AASS: variants seen among roughly 807,000 people sequenced by gnomAD.
AASS encodes the protein alpha-aminoadipic semialdehyde synthase, mitochondrial.
AASS carries 86 observed loss-of-function variants against 105.4 expected under a neutral mutation model. The observed-to-expected ratio is 0.82, with a 90% CI of 0.69 to 0.98. The LOEUF is 0.98. AASS is among the 50% of genes least tolerant of loss of function. AASS has a pLI of 0.00. For synonymous variants in AASS, 381 were observed against 394.8 expected (o/e 0.96, Z 0.41); for missense variants, 1,048 against 1,143.2 (o/e 0.92, Z 1.20).
chr7:122,086,863 T>C (rs1793652941), intron 18 of AASS, among the ~76,000 whole-genome samples: 1 of 152,186 alleles, frequency 6.6e-6, no homozygotes, highest in Admixed American at 6.5e-5. Context: ...AATCTTTTGA[T>C]ATCTCAGTAC....
chr7:122,129,617 G>C (rs1239998234), intron 2 of AASS, 80 bp from the exon 3 acceptor site: 3 of 1,296,370 alleles, frequency 2.3e-6, no homozygotes, highest in Middle Eastern at 4.8e-4. Flanking sequence ...TGTAGCAAAG[G>C]CACAACAAAT....
intron 19 of AASS, among the ~76,000 whole-genome samples, chr7:122,082,019 T>C (rs543437462): frequency 6.6e-6 from 1 of 152,326 alleles, no homozygotes; most frequent in South Asian, 2.1e-4. Flanking sequence ...AACAGTCAGT[T>C]GAGCTCTTTC....
intron 8 of AASS, among the ~76,000 whole-genome samples, chr7:122,116,234 T>C (rs2150536587): frequency 6.6e-6 from 1 of 152,314 alleles, no homozygotes; most frequent in Middle Eastern, 3.4e-3. Context: ...GGCATGCATT[T>C]CAAGATTGCT....
In AASS at chr7:122,098,467, T is replaced by C. The variant is rs1326849973; in HGVS notation, c.1638A>G (p.Lys546=). ...ATACTGACCTGATGACAAGATCCTGTTTTGCCACCAAGAAGCCCAGCTTCT... is the reference window on the plus strand; with the variant it reads ...ATACTGACCTGATGACAAGATCCTGCTTTGCCACCAAGAAGCCCAGCTTCT... ...QEEKLGFLVA[K]QDLVISLLPY... Residue 546 remains lysine (K), a synonymous_variant, in exon 15 of 24, where the codon AAA becomes AAG. Coordinates refer to ENST00000417368, the MANE Select transcript of AASS (RefSeq NM_005763.4). 4 of 1,612,118 alleles carry C rather than the reference T, an allele frequency of 2.5e-6. No homozygotes were observed. The African/African-American group carries it at 5.3e-5, about 22-fold the overall frequency.
At position 122,098,790 on chromosome 7, in the gene AASS, C is replaced by T; in HGVS notation, c.1483G>A (p.Val495Ile). Residue 495 changes from valine (V) to isoleucine (I), a missense_variant, in exon 14 of 24, where the codon GTA becomes ATA. By Grantham distance (29) the Val-to-Ile change is conservative. Transcript: ENST00000417368. ...CCATCTCTTGATAAATATTCTAATACAGGCTCAGATATGTAGCCAGATCCA... is the reference window on the plus strand; with the variant it reads ...CCATCTCTTGATAAATATTCTAATATAGGCTCAGATATGTAGCCAGATCCA... ...VLGSGYISEP[V>I]LEYLSRDGNI... 6.2e-7 allele frequency: 1 copy of T among 1,600,420 alleles called. No individual in the cohort carries two copies. The highest frequency in any genetic ancestry group is 8.5e-7 in the Non-Finnish European group (1 of 1,174,188).
chr7:122,076,450 G>A lies in AASS; in HGVS notation c.*39C>T. The A allele has an allele frequency of 3.0e-6, 4 of 1,311,834 alleles. No individual in the cohort carries two copies. The highest frequency in any genetic ancestry group is 4.4e-6 in the Non-Finnish European group (4 of 904,742). The allele number at this position is 1,311,834 out of a possible 1,614,324, so 81.3% of individuals were successfully genotyped here. On this transcript the variant is annotated 3_prime_UTR_variant, in exon 24 of 24. Transcript: ENST00000417368. ...ATTTATCACACACATGTTCAGAGGT[G>A]TATTGCCTGGGAAGAAAAAAACAAA...
intron 11 of AASS, among the ~76,000 whole-genome samples, chr7:122,102,453 C>T (rs149661826): frequency 7.4e-4 from 113 of 152,028 alleles, no homozygotes; most frequent in African/African-American, 2.4e-3. Context: ...TATAAGTTAG[C>T]ATTGCTGTTT....
chr7:122,112,240 T>C (rs1240085568), intron 11 of AASS, among the ~76,000 whole-genome samples: 1 of 152,230 alleles, frequency 6.6e-6, no homozygotes, highest in Non-Finnish European at 1.5e-5. Flanking sequence ...AAAATTAAAA[T>C]ATATTTAGTA....
Position 122,116,916 on chromosome 7 carries a change from C to T in AASS, c.729G>A (p.Val243=). 1 of 1,613,970 alleles carries T rather than the reference C, an allele frequency of 6.2e-7. No homozygotes were observed. Among genetic ancestry groups the T allele is most frequent in the East Asian group, 2.2e-5 (1 of 44,864 alleles). ...AAACTTCTTTTAATTCATGGGGCTC[C>T]ACATATTCACAAGGTAGCTCATTAA... ...AIFNELPCEY[V]EPHELKEVSQ... is the part of the protein sequence containing the mutation. Residue 243 remains valine, a synonymous_variant, in exon 7 of 24, where the codon GTG becomes GTA. Coordinates refer to ENST00000417368, the MANE Select transcript of AASS (RefSeq NM_005763.4).
In AASS at chr7:122,118,585, A is replaced by G; in HGVS notation, c.518T>C (p.Leu173Ser). Residue 173 changes from leucine to serine, a missense_variant, in exon 5 of 24, where the codon TTG (leucine) becomes TCG (serine). Transcript: ENST00000417368. ...TACCATAAAAGGTGTGTGATGTCCC[A>G]AAGCAAGGAGCCTTAAACCCATTCC... is the stretch of plus-strand genomic sequence containing the variant. ...LHGMGLRLLA[L>S]GHHTPFMHIG... 1 of 1,614,122 alleles carries G rather than the reference A, an allele frequency of 6.2e-7. No individual in the cohort carries two copies. Among genetic ancestry groups the G allele is most frequent in the Non-Finnish European group, 8.5e-7 (1 of 1,179,992 alleles).
At chr7:122,089,433 C>T (rs908822247) in intron 18 of AASS, among the ~76,000 whole-genome samples, 15 of 152,102 alleles carry the variant, frequency 9.9e-5, no homozygotes, top group African/African-American at 3.4e-4. Flanking sequence ...CTCTTGGTAT[C>T]CTCCAGTGTC....
At position 122,098,767 on chromosome 7, in the gene AASS, A is replaced by G. The variant is rs1460056339; in HGVS notation, c.1506T>C (p.Asp502=). 12 of 1,607,568 alleles carry G rather than the reference A, an allele frequency of 7.5e-6. No homozygotes were observed. Among genetic ancestry groups the G allele is most frequent in the African/African-American group, 1.3e-5 (1 of 74,508 alleles). The part of the protein sequence containing the change: ...SEPVLEYLSR[D]GNIEITVGSD... The stretch of plus-strand genomic sequence containing the variant: ...TACCTACTGTTATTTCTATATTGCC[A>G]TCTCTTGATAAATATTCTAATACAG... Residue 502 remains aspartate, a synonymous_variant, in exon 14 of 24, where the codon GAT becomes GAC. Coordinates refer to ENST00000417368, the MANE Select transcript of AASS (RefSeq NM_005763.4).
chr7:122,120,730 C>T (rs923674527), intron 4 of AASS, among the ~76,000 whole-genome samples: 8 of 151,990 alleles, frequency 5.3e-5, no homozygotes, highest in Non-Finnish European at 1.5e-5. Context: ...ATACCCCACA[C>T]ATTTTGATAA....
At chr7:122,111,682 T>A (rs1794941706) in intron 11 of AASS, among the ~76,000 whole-genome samples, 1 of 152,008 alleles carries the variant, frequency 6.6e-6, no homozygotes, top group African/African-American at 2.4e-5. Context: ...GGCGGGTGGA[T>A]CACGAGGTCA....
At chr7:122,121,673 A>T (rs1795445228) in intron 4 of AASS, among the ~76,000 whole-genome samples, 2 of 152,160 alleles carry the variant, frequency 1.3e-5, no homozygotes, top group African/African-American at 4.8e-5. Flanking sequence ...GACTGGGCCC[A>T]GCCCTAAAGA....
rs764775526 is a variant in AASS at position 122,078,111 on chromosome 7, C to T, written c.2486-97G>A. ...GCCCTTCTGGTCTTAAAAGTTTTCC[C>T]TCCTTTTATATATGATCACTAGACA... is the stretch of plus-strand genomic sequence containing the variant. On this transcript the variant is annotated intron_variant, in intron 22 of 23. Coordinates refer to ENST00000417368, the MANE Select transcript of AASS (RefSeq NM_005763.4). 19 of 1,189,158 alleles carry T rather than the reference C, an allele frequency of 1.6e-5. No homozygotes were observed. The East Asian group carries it at 4.4e-4, about 28-fold the overall frequency. The allele number at this position is 1,189,158 out of a possible 1,614,324, so 73.7% of individuals were successfully genotyped here.
intron 3 of AASS, among the ~76,000 whole-genome samples, chr7:122,127,667 A>C (rs1047719438): frequency 1.1e-4 from 17 of 152,002 alleles, no homozygotes; most frequent in Admixed American, 1.1e-3. Flanking sequence ...AGTATTTTAC[A>C]CTCCTATATA....
Position 122,101,310 on chromosome 7 carries a change from T to C in AASS, c.1406+61A>G, listed in dbSNP as rs1366826598. On this transcript the variant is annotated intron_variant, in intron 13 of 23. Coordinates refer to ENST00000417368, the MANE Select transcript of AASS (RefSeq NM_005763.4). Reference sequence around the variant, plus strand: ...GAACTCCCATTGAAGCATTAAAAAATACTCATGAATTCCAAGATAAGAATA... The same window carrying C: ...GAACTCCCATTGAAGCATTAAAAAACACTCATGAATTCCAAGATAAGAATA... 1.3e-5 allele frequency: 17 copies of C among 1,318,154 alleles called. No individual in the cohort carries two copies. In the East Asian group the frequency reaches 3.9e-4, roughly 30 times the overall value. The allele number at this position is 1,318,154 out of a possible 1,614,324, so 81.7% of individuals were successfully genotyped here. A position where few individuals can be genotyped will look rare whatever the true frequency, so the allele number is the denominator to read the frequency against.
At chr7:122,084,760 T>A (rs1232204729) in intron 19 of AASS, among the ~76,000 whole-genome samples, 2 of 151,994 alleles carry the variant, frequency 1.3e-5, no homozygotes, top group East Asian at 3.9e-4. Context: ...TGAAGGGTCA[T>A]CACTGACAGG....
Sources: gnomAD v4.1 joint callset for allele counts (sites outside exome capture counted in the v4.1 genomes callset) on GRCh38, gnomAD v4.1.1 for gene constraint, MANE v1.5 for transcripts, NCBI Gene and HGNC (gene_info 2026-07-23, HGNC 2026-07-21) for gene names.